LATS1: variants seen among roughly 807,000 people sequenced by gnomAD.
LATS1 encodes serine/threonine-protein kinase LATS1.
Under a neutral mutation model 106.6 loss-of-function variants are expected in LATS1, and 25 were observed. That is an observed-to-expected ratio of 0.23 (90% CI 0.17 to 0.33). The LOEUF is 0.33. Ranked by LOEUF, LATS1 falls within the 10% of genes least tolerant of loss-of-function variation. The pLI, the probability that LATS1 is intolerant of heterozygous loss-of-function variation, is 1.00. For synonymous variants in LATS1, 465 were observed against 455.6 expected (o/e 1.02, Z -0.26); for missense variants, 1,040 against 1,382.6 (o/e 0.75, Z 3.93).
chr6:149,711,993 C>T (rs1052063689), intron 1 of LATS1, among the ~76,000 whole-genome samples: 1 of 152,134 alleles, frequency 6.6e-6, no homozygotes, highest in African/African-American at 2.4e-5. Context: ...AGAGTGCGCA[C>T]ACACGCAGCA....
At chr6:149,705,064 A>C (rs1364183114) in intron 1 of LATS1, among the ~76,000 whole-genome samples, 1 of 151,776 alleles carries the variant, frequency 6.6e-6, no homozygotes. Flanking sequence ...ACTCTATTAC[A>C]AGCAGCTCAC....
At chr6:149,678,338 C>T (rs1459791587) in intron 5 of LATS1, among the ~76,000 whole-genome samples, 2 of 142,178 alleles carry the variant, frequency 1.4e-5, no homozygotes, top group African/African-American at 5.4e-5. Flanking sequence ...AGCGAGACTC[C>T]GTCTCAAAAA....
chr6:149,717,946 TG>T lies in LATS1; in HGVS notation c.-239del. ...TCCCAGCAACCCCAAGTATCCCTGG[TG>T]GGGCAGAGCGGGGAGACGAACGGGG... is the stretch of plus-strand genomic sequence containing the variant. On this transcript the variant is annotated 5_prime_UTR_variant, in exon 1 of 8. Transcript: ENST00000543571. 2.8e-6 allele frequency: 1 copy of T among 361,974 alleles called. No individual in the cohort carries two copies. Among genetic ancestry groups the T allele is most frequent in the Non-Finnish European group, 5.3e-6 (1 of 188,974 alleles). The allele number at this position is 361,974 out of a possible 1,614,324, so 22.4% of individuals were successfully genotyped here. A position where few individuals can be genotyped will look rare whatever the true frequency, so the allele number is the denominator to read the frequency against.
intron 1 of LATS1, among the ~76,000 whole-genome samples, chr6:149,709,751 C>A (rs1050218216): frequency 6.8e-6 from 1 of 146,626 alleles, no homozygotes; most frequent in Non-Finnish European, 1.5e-5. Flanking sequence ...TCTTGGCTCA[C>A]CACAATCTCC....
At chr6:149,682,663 C>T (rs1782118724) in intron 4 of LATS1, among the ~76,000 whole-genome samples, 1 of 152,102 alleles carries the variant, frequency 6.6e-6, no homozygotes, top group Admixed American at 6.6e-5. Flanking sequence ...ATCTGCCTGC[C>T]TCAGCCTTCC....
rs566662343 is a variant in LATS1, at chr6:149,709,824, C to T, written c.-140-7558G>A. ...CTGAGTAGCTGGGATTACAGGCGTG[C>T]GCTACCATGCCTCGCTAATTTTTGT... is the stretch of plus-strand genomic sequence containing the variant. On this transcript the variant is annotated intron_variant, in intron 1 of 7. Coordinates refer to ENST00000543571, the MANE Select transcript of LATS1 (RefSeq NM_004690.4). Among the ~76,000 whole-genome samples the T allele has an allele frequency of 1.1e-3, 168 of 151,820 alleles. 1 individual carries two copies. The highest frequency in any genetic ancestry group is 6.2e-4 in the Non-Finnish European group (42 of 67,908).
At chr6:149,676,223 T>C (rs1231869676) in intron 7 of LATS1, 37 bp downstream of exon 7, 1 of 1,353,878 alleles carries the variant, frequency 7.4e-7, no homozygotes, top group Non-Finnish European at 1.1e-6. Flanking sequence ...TGTAGCAACT[T>C]TGTGAGAATT....
At chr6:149,714,647 C>A (rs951734060) in intron 1 of LATS1, among the ~76,000 whole-genome samples, 47 of 152,044 alleles carry the variant, frequency 3.1e-4, no homozygotes, top group African/African-American at 1.1e-3. Context: ...AAATGAAAGG[C>A]AAGCAAAACC....
chr6:149,680,200 GAT>G lies in LATS1; in HGVS notation c.2266_2267del (p.Ile756ProfsTer3). 1 of 1,614,064 alleles carries G rather than the reference GAT, an allele frequency of 6.2e-7. No individual in the cohort carries two copies. The highest frequency in any genetic ancestry group is 8.5e-7 in the Non-Finnish European group (1 of 1,179,974). ...CCCATTCATTGTCAGCTTCAGCCAG[GAT>G]ATCTCTCTCAGCCTTAACATGAGCG... Reference protein sequence around the residue: ...QVAHVKAERDILAEADNEWVV... With the variant: ...QVAHVKAERDXLAEADNEWVV... On this transcript the variant is annotated frameshift_variant, in exon 5 of 8. Transcript: ENST00000543571. LOFTEE classifies it high-confidence loss of function.
At chr6:149,679,515 G>C (rs1387478877) in intron 5 of LATS1, among the ~76,000 whole-genome samples, 1 of 145,666 alleles carries the variant, frequency 6.9e-6, no homozygotes, top group East Asian at 2.0e-4. Context: ...TGGTGCCACT[G>C]CACTCCAGCC....
rs56884854 is a variant in LATS1, at chr6:149,678,164, C to CAAAAAAAAAAAAAA, written c.2594-1441_2594-1428dup. Among the ~76,000 whole-genome samples the CAAAAAAAAAAAAAA allele has an allele frequency of 2.9e-3, 127 of 43,476 alleles. 32 individuals are homozygous for CAAAAAAAAAAAAAA. The highest frequency in any genetic ancestry group is 3.3e-3 in the Admixed American group (11 of 3,352). The allele number at this position is 43,476 out of a possible 152,430, so 28.5% of individuals were successfully genotyped here. On this transcript the variant is annotated intron_variant, in intron 5 of 7. Coordinates refer to ENST00000543571, the MANE Select transcript of LATS1 (RefSeq NM_004690.4). ...TGAAACCTGGTCTCTACTAAAAATC[C>CAAAAAAAAAAAAAA]AAAAAAAAAAAAAAAAAAAAAAAAA...
intron 7 of LATS1, among the ~76,000 whole-genome samples, chr6:149,672,025 A>G (rs1000058495): frequency 1.4e-4 from 21 of 150,900 alleles, no homozygotes; most frequent in Admixed American, 9.3e-4. Flanking sequence ...AGTAGCTGGG[A>G]TTACAGGTGT....
intron 3 of LATS1, among the ~76,000 whole-genome samples, chr6:149,686,444 C>A (rs1165204374): frequency 6.6e-6 from 1 of 152,146 alleles, no homozygotes. Flanking sequence ...ACAGAGCTCT[C>A]CATGTTCTTC....
At chr6:149,717,207 A>C (rs1380377240) in intron 1 of LATS1, among the ~76,000 whole-genome samples, 1 of 152,218 alleles carries the variant, frequency 6.6e-6, no homozygotes, top group Non-Finnish European at 1.5e-5. Flanking sequence ...GAGAAGTCAG[A>C]ATGGGGATAA....
chr6:149,682,499 C>T (rs1364776595), intron 4 of LATS1, among the ~76,000 whole-genome samples: 2 of 151,510 alleles, frequency 1.3e-5, no homozygotes, highest in Non-Finnish European at 2.9e-5. Flanking sequence ...GCAACCTCCG[C>T]CTCCGGGGTT....
At position 149,660,918 on chromosome 6, in the gene LATS1, G is replaced by A. The variant is rs1780858709; in HGVS notation, c.*811C>T. 4.7e-6 allele frequency: 1 copy of A among 210,692 alleles called. No individual in the cohort carries two copies. Among genetic ancestry groups the A allele is most frequent in the Non-Finnish European group, 9.6e-6 (1 of 103,750 alleles). 13.1% of individuals were successfully genotyped at this position (210,692 alleles called of 1,614,324 possible). Reference sequence around the variant, plus strand: ...ATTAAAATAATTATCTGCTTAGGATGGTGAGAAATATTTTAGCTTTTAGTA... The same window carrying A: ...ATTAAAATAATTATCTGCTTAGGATAGTGAGAAATATTTTAGCTTTTAGTA... On this transcript the variant is annotated 3_prime_UTR_variant, in exon 8 of 8. Transcript: ENST00000543571.
intron 7 of LATS1, 70 bp downstream of exon 7, chr6:149,676,190 T>A (rs1781714079): frequency 1.9e-6 from 2 of 1,043,776 alleles, no homozygotes; most frequent in African/African-American, 3.1e-5. Context: ...ATGCTCTACG[T>A]ACTAATAAAT....
intron 3 of LATS1, among the ~76,000 whole-genome samples, chr6:149,684,852 AT>A (rs1362241285): frequency 6.6e-6 from 1 of 152,168 alleles, no homozygotes; most frequent in Non-Finnish European, 1.5e-5. Flanking sequence ...GTAATAATAC[AT>A]GTTATTTGGC....
intron 7 of LATS1, among the ~76,000 whole-genome samples, chr6:149,672,444 G>C (rs1014008522): frequency 1.3e-5 from 2 of 150,250 alleles, no homozygotes; most frequent in Non-Finnish European, 3.0e-5. Flanking sequence ...CCTGACCTCA[G>C]GTGATCTGCC....
Sources: allele counts gnomAD v4.1 joint callset (sites outside exome capture counted in the v4.1 genomes callset), GRCh38; gene constraint gnomAD v4.1.1; transcripts MANE v1.5; gene names NCBI Gene and HGNC (gene_info 2026-07-23, HGNC 2026-07-21).